SUN1: variants seen among roughly 807,000 people sequenced by gnomAD.
SUN1 encodes Sad1 and UNC84 domain containing 1.
A neutral mutation model predicts 103.2 loss-of-function variants in SUN1; 61 were observed. The observed-to-expected ratio is 0.59, with a 90% confidence interval of 0.48 to 0.73. The LOEUF is 0.73. SUN1 is among the 30% of genes least tolerant of loss of function. The pLI, the probability that SUN1 is intolerant of heterozygous loss-of-function variation, is 0.00. For synonymous variants in SUN1, 490 were observed against 425.7 expected, an observed-to-expected ratio of 1.15 and a Z score of -1.86; for missense variants, 1,052 against 1,034.6, an observed-to-expected ratio of 1.02 and a Z score of -0.23.
intron 2 of SUN1, 181 bp from the exon 3 acceptor site, chr7:841,754 AGTTCTTGGATC>A: frequency 3.4e-6 from 2 of 589,260 alleles, no homozygotes; most frequent in Non-Finnish European, 5.9e-6. Context: ...TTTTAGAGGG[AGTTCTTGGATC>A]CCAGCTCAAA....
At chr7:846,056 T>G (rs920056081) in intron 5 of SUN1, among the ~76,000 whole-genome samples, 2 of 152,196 alleles carry the variant, frequency 1.3e-5, no homozygotes, top group African/African-American at 4.8e-5. Flanking sequence ...CTTTTCATTT[T>G]GTATGTTAAT....
intron 5 of SUN1, chr7:850,268 G>T: frequency 4.1e-6 from 2 of 492,664 alleles, no homozygotes; most frequent in Non-Finnish European, 7.3e-6. Context: ...GTGCAATCTT[G>T]GCTCACTGCA....
chr7:817,230 G>A, intron 1 of SUN1: 2 of 620,164 alleles, frequency 3.2e-6, no homozygotes, highest in Non-Finnish European at 5.8e-6. Context: ...GAAGCGCTCG[G>A]ATCACAGGCG....
In SUN1 at chr7:856,414, G is replaced by A. The variant is rs747436518; in HGVS notation, c.1394+13G>A. On this transcript the variant is annotated intron_variant, in intron 12 of 18. Coordinates refer to ENST00000401592, the MANE Select transcript of SUN1 (RefSeq NM_001130965.3). Reference sequence around the variant, plus strand: ...AAAAAACAATCAGGTAGGAGGATTTGGAAAACATTCACTTTTGTCTTCGGT... The same window carrying A: ...AAAAAACAATCAGGTAGGAGGATTTAGAAAACATTCACTTTTGTCTTCGGT... 1 of 1,614,012 alleles carries A rather than the reference G, an allele frequency of 6.2e-7. No individual in the cohort carries two copies. Among genetic ancestry groups the A allele is most frequent in the Non-Finnish European group, 8.5e-7 (1 of 1,179,920 alleles).
intron 5 of SUN1, chr7:850,764 A>T (rs1821080479): frequency 1.8e-5 from 2 of 109,410 alleles, no homozygotes; most frequent in Non-Finnish European, 3.9e-5. Flanking sequence ...CTGTCTCTTA[A>T]ATTAAAAAAA....
At position 841,989 on chromosome 7, in the gene SUN1, A is replaced by G. The variant is rs999120053; in HGVS notation, c.310A>G (p.Ile104Val). The change falls in exon 3 of 19, where the codon ATC becomes GTC. Residue 104 changes from isoleucine (I) to valine (V), a missense_variant. Ile to Val is a conservative substitution (Grantham distance 29). Around this residue, in one of 2 missense-constraint regions of SUN1, gnomAD observed 846 missense variants for 774.5 expected, o/e 1.09. Coordinates refer to ENST00000401592, the MANE Select transcript of SUN1 (RefSeq NM_001130965.3). ...AAGCACAAACAAATCAGCTTTTAGT[A>G]TCAACCACGTGTCAAGGCAGGTCAC... is the stretch of plus-strand genomic sequence containing the variant. ...RRSTNKSAFS[I>V]NHVSRQVTSS... The G allele has an allele frequency of 1.2e-6, 2 of 1,614,086 alleles. No individual in the cohort carries two copies. The highest frequency in any genetic ancestry group is 8.5e-7 in the Non-Finnish European group (1 of 1,180,060).
At chr7:872,298 C>T (rs1842302629) in intron 17 of SUN1, among the ~76,000 whole-genome samples, 172 bp from the exon 18 acceptor site, 1 of 152,176 alleles carries the variant, frequency 6.6e-6, no homozygotes, top group Non-Finnish European at 1.5e-5. Context: ...CAACAAAACA[C>T]ACCCCTTCCT....
Position 852,639 on chromosome 7 carries a change from C to G in SUN1, c.882C>G (p.Val294=). The change falls in exon 8 of 19, where the codon GTC becomes GTG. Residue 294 remains valine, a synonymous_variant. Coordinates refer to ENST00000401592, the MANE Select transcript of SUN1 (RefSeq NM_001130965.3). ...RCLRNICKFL[V]LLIPLFLLLA... ...TTCGAAACATCTGCAAGTTTTTAGT[C>G]TTGCTCATCCCACTCTTCCTTTTAC... 1 of 1,614,208 alleles carries G rather than the reference C, an allele frequency of 6.2e-7. No individual in the cohort carries two copies. The highest frequency in any genetic ancestry group is 8.5e-7 in the Non-Finnish European group (1 of 1,180,036).
intron 12 of SUN1, 25 bp downstream of exon 12, chr7:856,426 CT>C: frequency 6.2e-7 from 1 of 1,613,656 alleles, no homozygotes; most frequent in Non-Finnish European, 8.5e-7. Context: ...AAAACATTCA[CT>C]TTTGTCTTCG....
upstream of SUN1, among the ~76,000 whole-genome samples, chr7:828,420 C>A (rs917073060): frequency 6.6e-6 from 1 of 151,734 alleles, no homozygotes; most frequent in Non-Finnish European, 1.5e-5. Flanking sequence ...TACAGGCGCC[C>A]GCCACCACAC....
At chr7:826,384 C>T (rs753075793) in intron 1 of SUN1, among the ~76,000 whole-genome samples, 2 of 151,392 alleles carry the variant, frequency 1.3e-5, no homozygotes, top group Non-Finnish European at 2.9e-5. Context: ...GTGTGCTCAT[C>T]ATGCCCCGCT....
In SUN1 at chr7:839,105, G is replaced by A. The variant is rs1198001628; in HGVS notation, c.266+119G>A. 2.9e-6 allele frequency: 3 copies of A among 1,023,626 alleles called. No individual in the cohort carries two copies. The East Asian group carries it at 8.6e-5, about 29-fold the overall frequency. The allele number at this position is 1,023,626 out of a possible 1,614,324, so 63.4% of individuals were successfully genotyped here. A position where few individuals can be genotyped will look rare whatever the true frequency, so the allele number is the denominator to read the frequency against. On this transcript the variant is annotated intron_variant, in intron 2 of 18. Coordinates refer to ENST00000401592, the MANE Select transcript of SUN1 (RefSeq NM_001130965.3). ...CGAGCTTAAGGATATGTGTGTGTAT[G>A]TGCGTGTACAGACACACAAACCTGT...
intron 1 of SUN1, among the ~76,000 whole-genome samples, chr7:825,934 T>C (rs1192712544): frequency 6.6e-6 from 1 of 152,046 alleles, no homozygotes; most frequent in Non-Finnish European, 1.5e-5. Context: ...TAAATAATTA[T>C]TTACAGTGGA....
chr7:848,467 T>C lies in SUN1; in HGVS notation c.659-2917T>C. On this transcript the variant is annotated intron_variant, in intron 5 of 18. Transcript: ENST00000401592. ...GGATTTTGTGGCTGGCCAGATACACTGCATCATCTTTTTCATCATTTTTAG... is the reference window on the plus strand; with the variant it reads ...GGATTTTGTGGCTGGCCAGATACACCGCATCATCTTTTTCATCATTTTTAG... The C allele has an allele frequency of 3.7e-6, 5 of 1,364,464 alleles. No individual in the cohort carries two copies. The South Asian group carries it at 4.6e-5, about 13-fold the overall frequency. 84.5% of individuals were successfully genotyped at this position (1,364,464 alleles called of 1,614,324 possible).
Position 874,813 on chromosome 7 carries a change from A to T in SUN1, c.*1482A>T, listed in dbSNP as rs1355085601. ...TATTTTTGTAAATGCTTTTCAAAAT[A>T]TCTGTCTTTGGTAGTGCTTCTGCTG... On this transcript the variant is annotated 3_prime_UTR_variant, in exon 19 of 19. Coordinates refer to ENST00000401592, the MANE Select transcript of SUN1 (RefSeq NM_001130965.3). 2.0e-5 allele frequency: 3 copies of T among 152,268 alleles called. No individual in the cohort carries two copies. The highest frequency in any genetic ancestry group is 7.2e-5 in the African/African-American group (3 of 41,470). 9.4% of individuals were successfully genotyped at this position (152,268 alleles called of 1,614,324 possible). A position where few individuals can be genotyped will look rare whatever the true frequency, so the allele number is the denominator to read the frequency against.
At chr7:855,039 T>G (rs1562731198) in intron 11 of SUN1, 33 bp downstream of exon 11, 1 of 1,531,714 alleles carries the variant, frequency 6.5e-7, no homozygotes, top group East Asian at 2.2e-5. Flanking sequence ...TTTTTTAAAA[T>G]AAAAAGAAAA....
At chr7:818,004 G>T (rs1562452350) in intron 1 of SUN1, among the ~76,000 whole-genome samples, 2 of 150,206 alleles carry the variant, frequency 1.3e-5, no homozygotes, top group African/African-American at 2.4e-5. Context: ...TCCCAGAGCT[G>T]TTTTTTTTTC....
chr7:838,647 C>A (rs1005382733), intron 1 of SUN1, 151 bp from the exon 2 acceptor site: 11 of 735,098 alleles, frequency 1.5e-5, no homozygotes, highest in Non-Finnish European at 2.3e-5. Flanking sequence ...TGTGTGCCAC[C>A]GTACGTTTGC....
rs1562731060 is a variant in SUN1 at position 855,028 on chromosome 7, CTTT to C, written c.1350+26_1350+28del. ...TGAGGTATTTATTTTTGACCTTACGCTTTTTTAAAATAAAAAGAAAATCAACTA... is the reference window on the plus strand; with the variant it reads ...TGAGGTATTTATTTTTGACCTTACGCTTTAAAATAAAAAGAAAATCAACTA... On this transcript the variant is annotated intron_variant, in intron 11 of 18. Transcript: ENST00000401592. 3.2e-6 allele frequency: 5 copies of C among 1,569,754 alleles called. No homozygotes were observed. The South Asian group carries it at 4.5e-5, about 14-fold the overall frequency.
Sources: allele counts gnomAD v4.1 joint callset (sites outside exome capture counted in the v4.1 genomes callset), GRCh38; gene constraint gnomAD v4.1.1; regional missense constraint gnomAD v4.1.1; transcripts MANE v1.5; gene names NCBI Gene and HGNC (gene_info 2026-07-23, HGNC 2026-07-21).